BBS4: variants seen among roughly 807,000 people sequenced by gnomAD.
BBS4 encodes BBSome complex member BBS4.
In BBS4, 58 loss-of-function variants were observed where a neutral mutation model predicts 71.4. That is an observed-to-expected ratio of 0.81 (90% CI 0.66 to 1.01). BBS4 has a LOEUF of 1.01. BBS4 is among the 50% of genes least tolerant of loss of function. BBS4 has a pLI of 0.00. For missense variants in BBS4, 660 were observed against 607.9 expected, an observed-to-expected ratio of 1.09 and a Z score of -0.90; for synonymous variants, 228 against 216.8, an observed-to-expected ratio of 1.05 and a Z score of -0.46.
At chr15:72,716,689 T>C (rs1309817624) in intron 5 of BBS4, 89 bp from the exon 6 acceptor site, 1 of 1,010,160 alleles carries the variant, frequency 9.9e-7, no homozygotes, top group African/African-American at 1.6e-5. Context: ...AATTCTCTGC[T>C]GGATGAAATA....
At chr15:72,691,791 C>T (rs539297174) in intron 1 of BBS4, among the ~76,000 whole-genome samples, 116 of 152,158 alleles carry the variant, frequency 7.6e-4, no homozygotes, top group African/African-American at 2.7e-3. Flanking sequence ...GGTGCAACTC[C>T]GTCTCTACTA....
intron 12 of BBS4, among the ~76,000 whole-genome samples, chr15:72,733,019 A>C (rs1567431242): frequency 6.6e-6 from 1 of 152,162 alleles, no homozygotes; most frequent in Non-Finnish European, 1.5e-5. Flanking sequence ...CCAGTAAAGG[A>C]GGCAGTTAAG....
intron 10 of BBS4, among the ~76,000 whole-genome samples, chr15:72,730,291 AAT>A (rs2065788824): frequency 6.6e-6 from 1 of 151,200 alleles, no homozygotes; most frequent in African/African-American, 2.4e-5. Flanking sequence ...AAAAAAAAAA[AAT>A]AAAAAATAAA....
intron 2 of BBS4, among the ~76,000 whole-genome samples, chr15:72,704,835 G>A (rs1479444414): frequency 4.0e-5 from 6 of 150,536 alleles, no homozygotes; most frequent in East Asian, 2.1e-4. Flanking sequence ...AGCTAAGATC[G>A]CGCCACTGCA....
chr15:72,737,484 G>A lies in BBS4; in HGVS notation c.1457G>A (p.Gly486Glu), dbSNP rs1431440935. The A allele has an allele frequency of 6.8e-6, 11 of 1,611,708 alleles. No individual in the cohort carries two copies. The highest frequency in any genetic ancestry group is 7.6e-6 in the Non-Finnish European group (9 of 1,179,004). ...AAYRTLPSGA[G>E]GTSQFTKPPS... Reference sequence around the variant, plus strand: ...GTTTTTATTTTGTTACTAGGTGCTGGAGGAACATCCCAGTTCACAAAGCCC... The same window carrying A: ...GTTTTTATTTTGTTACTAGGTGCTGAAGGAACATCCCAGTTCACAAAGCCC... The change falls in exon 16 of 16, where the codon GGA becomes GAA. Residue 486 changes from glycine to glutamate, a missense_variant. Gly to Glu is a moderately conservative substitution (Grantham distance 98). Coordinates refer to ENST00000268057, the MANE Select transcript of BBS4 (RefSeq NM_033028.5).
intron 3 of BBS4, among the ~76,000 whole-genome samples, chr15:72,710,255 C>T (rs2065344430): frequency 8.2e-6 from 1 of 122,492 alleles, no homozygotes; most frequent in Non-Finnish European, 1.6e-5. Flanking sequence ...GGCTGGAGTG[C>T]AGTGGCATGA....
chr15:72,702,753 A>G (rs2065192999), intron 2 of BBS4, among the ~76,000 whole-genome samples: 1 of 143,944 alleles, frequency 6.9e-6, no homozygotes, highest in South Asian at 2.3e-4. Context: ...TCGCCCTCAG[A>G]TCCATTCCTT....
intron 2 of BBS4, among the ~76,000 whole-genome samples, chr15:72,709,184 CA>C (rs956763109): frequency 5.3e-5 from 8 of 152,316 alleles, no homozygotes; most frequent in Admixed American, 5.2e-4. Context: ...TTTTGCAGCT[CA>C]GGTGGGCATC....
intron 7 of BBS4, 68 bp downstream of exon 7, chr15:72,722,915 A>G (rs1000729487): frequency 1.5e-6 from 2 of 1,352,504 alleles, no homozygotes; most frequent in Non-Finnish European, 2.1e-6. Flanking sequence ...TACATTGCTC[A>G]TTTGGTATTA....
chr15:72,717,686 G>C (rs1205550126), intron 6 of BBS4, among the ~76,000 whole-genome samples: 2 of 152,120 alleles, frequency 1.3e-5, no homozygotes, highest in African/African-American at 2.4e-5. Flanking sequence ...AACAAAATTA[G>C]GGTTCTTTTA....
chr15:72,708,623 G>C (rs1280277684), intron 2 of BBS4, among the ~76,000 whole-genome samples: 2 of 152,196 alleles, frequency 1.3e-5, no homozygotes, highest in Non-Finnish European at 2.9e-5. Context: ...CTGCCTGTGG[G>C]GTTGGGCAAA....
chr15:72,704,333 T>C (rs2065226273), intron 2 of BBS4: 2 of 744,850 alleles, frequency 2.7e-6, no homozygotes, highest in Admixed American at 4.9e-5. Flanking sequence ...CTGCTCTGCA[T>C]TTACATGCTT....
rs746652084 is a variant in BBS4, at chr15:72,724,546, A to G, written c.478A>G (p.Asn160Asp). 1 of 1,614,090 alleles carries G rather than the reference A, an allele frequency of 6.2e-7. No individual in the cohort carries two copies. Among genetic ancestry groups the G allele is most frequent in the Admixed American group, 1.7e-5 (1 of 60,028 alleles). ...QFNKAQDQLH[N>D]ALNLNRHDLT... ...TTGTCAGGCACAAGACCAGTTGCAC[A>G]ATGCCCTGAATCTTAATAGGCACGA... Residue 160 changes from asparagine to aspartate, a missense_variant, in exon 8 of 16, where the codon AAT (asparagine) becomes GAT (aspartate). Physicochemically the swap from Asn to Asp is conservative, Grantham distance 23 (BLOSUM62 1). Transcript: ENST00000268057.
In BBS4 at chr15:72,692,588, G is replaced by A. The variant is rs1253656500; in HGVS notation, c.25-2589G>A. Among the ~76,000 whole-genome samples the A allele has an allele frequency of 2.2e-3, 331 of 149,848 alleles. 1 individual carries two copies. Among genetic ancestry groups the A allele is most frequent in the Non-Finnish European group, 3.9e-3 (264 of 67,352 alleles). On this transcript the variant is annotated intron_variant, in intron 1 of 15. Transcript: ENST00000268057. ...TCAGCCTACCGAAGTGCTGGGATTA[G>A]AGGTGTGAGCCACCACACCTGGCTG...
At position 72,705,587 on chromosome 15, in the gene BBS4, C is replaced by CTTTTTTTTTT. The variant is rs762708438; in HGVS notation, c.77-4099_77-4090dup. On this transcript the variant is annotated intron_variant, in intron 2 of 15. Transcript: ENST00000268057. ...CAAGAAACACAAAACATGGCTTGTC[C>CTTTTTTTTTT]TTTTTTTTTTTTTTTTTTTTTTTGA... 1.4e-4 allele frequency among the ~76,000 whole-genome samples: 12 copies of CTTTTTTTTTT among 86,854 alleles called. 1 individual carries two copies. The highest frequency in any genetic ancestry group is 1.7e-4 in the Admixed American group (1 of 5,998). 57.0% of individuals were successfully genotyped at this position (86,854 alleles called of 152,430 possible).
chr15:72,731,345 A>G lies in BBS4; in HGVS notation c.752A>G (p.Asp251Gly), dbSNP rs148843256. Residue 251 changes from aspartate to glycine, a missense_variant, in exon 11 of 16, where the codon GAC (aspartate) becomes GGC (glycine). Asp to Gly is a moderately conservative substitution (Grantham distance 94). Coordinates refer to ENST00000268057, the MANE Select transcript of BBS4 (RefSeq NM_033028.5). ...AAGSMMQTHGDFDVALTKYRV... is the reference protein window; with the variant it reads ...AAGSMMQTHGGFDVALTKYRV... ...GGCAGCATGATGCAGACCCACGGGG[A>G]CTTTGATGTTGCCCTCACCAAATAC... 48 of 1,614,120 alleles carry G rather than the reference A, an allele frequency of 3.0e-5. No individual in the cohort carries two copies. In the African/African-American group the frequency reaches 5.6e-4, roughly 19 times the overall value.
At chr15:72,704,424 G>A in intron 2 of BBS4, 1 of 1,286,946 alleles carries the variant, frequency 7.8e-7, no homozygotes, top group South Asian at 1.2e-5. Context: ...CCATTTTTAG[G>A]GGGAGTTGGA....
rs778363835 is a variant in BBS4, at chr15:72,710,789, GT to G, written c.156+1021del. ...ACTGGTATGACAAAGATTCATACCA[GT>G]TTTTTTTTTTCTTTTTTTAAGTGGA... On this transcript the variant is annotated intron_variant, in intron 3 of 15. Transcript: ENST00000268057. Among the ~76,000 whole-genome samples the G allele has an allele frequency of 1.5e-3, 220 of 146,640 alleles. 1 individual carries two copies. Among genetic ancestry groups the G allele is most frequent in the Middle Eastern group, 3.5e-3 (1 of 286 alleles).
intron 4 of BBS4, among the ~76,000 whole-genome samples, chr15:72,714,093 G>C (rs1235243812): frequency 6.6e-5 from 10 of 152,120 alleles, no homozygotes; most frequent in Admixed American, 5.9e-4. Flanking sequence ...AGCTAAAAGA[G>C]ATGAAGAAGA....
Sources: allele counts gnomAD v4.1 joint callset (sites outside exome capture counted in the v4.1 genomes callset), GRCh38; gene constraint gnomAD v4.1.1; transcripts MANE v1.5; gene names NCBI Gene and HGNC (gene_info 2026-07-23, HGNC 2026-07-21).